Variants in PCDHGA2 observed in about 807,000 individuals in gnomAD.
PCDHGA2 encodes the protein protocadherin gamma-A2.
PCDHGA2 carries 40 observed loss-of-function variants against 59.2 expected under a neutral mutation model. The observed-to-expected ratio is 0.68, with a 90% CI of 0.52 to 0.88. PCDHGA2 has a LOEUF of 0.88. Among genes scored for constraint, PCDHGA2 ranks in the 40% least tolerant of loss-of-function variants. The pLI is 0.00. For missense variants in PCDHGA2, 1,226 were observed against 1,204.0 expected (o/e 1.02, Z -0.27); for synonymous variants, 560 against 526.0 (o/e 1.06, Z -0.89).
chr5:141,411,285 A>C (rs2095477948), intron 1 of PCDHGA2: 1 of 152,218 alleles, frequency 6.6e-6, no homozygotes, highest in South Asian at 2.1e-4. Flanking sequence ...AAAAATATTC[A>C]GAAGACAGGC....
intron 1 of PCDHGA2, chr5:141,366,543 C>A: frequency 6.2e-7 from 1 of 1,614,244 alleles, no homozygotes; most frequent in Non-Finnish European, 8.5e-7. Context: ...GTGCCCGCCT[C>A]GCACTTTGTG....
rs1382613654 is a variant in PCDHGA2, at chr5:141,340,338, C to A, written c.1367C>A (p.Ser456Tyr). The A allele has an allele frequency of 6.2e-7, 1 of 1,614,076 alleles. No individual in the cohort carries two copies. Among genetic ancestry groups the A allele is most frequent in the Non-Finnish European group, 8.5e-7 (1 of 1,180,048 alleles). The change falls in exon 1 of 4, where the codon TCC (serine) becomes TAC (tyrosine). Residue 456 changes from serine (S) to tyrosine (Y), a missense_variant. By Grantham distance (144) the Ser-to-Tyr change is moderately radical. Coordinates refer to ENST00000394576, the MANE Select transcript of PCDHGA2 (RefSeq NM_018915.4). ...AACGCACCCGCCTTCTCCCGCACATCCTACTCCACCTACATTCCCGAAAAC... is the reference window on the plus strand; with the variant it reads ...AACGCACCCGCCTTCTCCCGCACATACTACTCCACCTACATTCCCGAAAAC... Reference protein sequence around the residue: ...NDNAPAFSRTSYSTYIPENNP... With the variant: ...NDNAPAFSRTYYSTYIPENNP...
intron 1 of PCDHGA2, chr5:141,389,708 G>A: frequency 6.2e-7 from 1 of 1,612,610 alleles, no homozygotes; most frequent in South Asian, 1.1e-5. Context: ...ACGTGCTGCA[G>A]GCTAGCGAGC....
chr5:141,418,677 T>A (rs1717013168), intron 1 of PCDHGA2: 1 of 1,613,930 alleles, frequency 6.2e-7, no homozygotes, highest in African/African-American at 1.3e-5. Flanking sequence ...GACGAGGGCA[T>A]CAACTCAGAG....
chr5:141,418,681 C>T (rs778899235), intron 1 of PCDHGA2: 2 of 1,614,052 alleles, frequency 1.2e-6, no homozygotes, highest in Non-Finnish European at 1.7e-6. Flanking sequence ...AGGGCATCAA[C>T]TCAGAGATCA....
chr5:141,418,694 TATTCC>T, intron 1 of PCDHGA2: 2 of 1,614,044 alleles, frequency 1.2e-6, no homozygotes, highest in Non-Finnish European at 1.7e-6. Flanking sequence ...AGAGATCACT[TATTCC>T]TTCTTTGGTG....
At chr5:141,361,627 C>T (rs1389094962) in intron 1 of PCDHGA2, 12 of 1,613,918 alleles carry the variant, frequency 7.4e-6, no homozygotes, top group Admixed American at 1.7e-5. Context: ...CGACCTGAAG[C>T]CGCGGGAGAT....
At chr5:141,374,611 T>G in intron 1 of PCDHGA2, 1 of 1,613,552 alleles carries the variant, frequency 6.2e-7, no homozygotes, top group East Asian at 2.2e-5. Context: ...GTGGTAATAG[T>G]CACTTCTCAG....
At chr5:141,383,430 C>T in intron 1 of PCDHGA2, 1 of 1,614,016 alleles carries the variant, frequency 6.2e-7, no homozygotes, top group Non-Finnish European at 8.5e-7. Context: ...CCAATCGCCA[C>T]TTCTCCCTGG....
Position 141,486,443 on chromosome 5 carries a change from A to G in PCDHGA2, c.2425-8364A>G, listed in dbSNP as rs747419698. Reference sequence around the variant, plus strand: ...AGAGGCCAAATCTAGCTATGACATCATGGTCACTGCTTCTGATGCTGGGAA... The same window carrying G: ...AGAGGCCAAATCTAGCTATGACATCGTGGTCACTGCTTCTGATGCTGGGAA... On this transcript the variant is annotated intron_variant, in intron 1 of 3. Transcript: ENST00000394576. The surrounding 1 kb of genome is among the most constrained non-coding windows in gnomAD (Gnocchi z 5.0). The G allele has an allele frequency of 1.9e-6, 3 of 1,614,060 alleles. No individual in the cohort carries two copies. Among genetic ancestry groups the G allele is most frequent in the South Asian group, 2.2e-5 (2 of 91,080 alleles).
intron 1 of PCDHGA2, among the ~76,000 whole-genome samples, chr5:141,456,854 T>C (rs924765803): frequency 7.2e-5 from 11 of 151,950 alleles, no homozygotes; most frequent in Non-Finnish European, 1.3e-4. Context: ...TCCCAGCTAA[T>C]TGGGAGGCTG....
At chr5:141,422,664 C>T (rs2096662670) in intron 1 of PCDHGA2, 4 of 1,608,458 alleles carry the variant, frequency 2.5e-6, no homozygotes, top group Non-Finnish European at 3.4e-6. Flanking sequence ...CCGCCCTCGA[C>T]CCGGACAGCA....
At chr5:141,406,044 G>A (rs1473314165) in intron 1 of PCDHGA2, among the ~76,000 whole-genome samples, 1 of 151,228 alleles carries the variant, frequency 6.6e-6, no homozygotes, top group Non-Finnish European at 1.5e-5. Flanking sequence ...ATTGGTTGCA[G>A]TGGACTCATA....
chr5:141,490,338 C>A lies in PCDHGA2; in HGVS notation c.2425-4469C>A, dbSNP rs1408559629. Reference sequence around the variant, plus strand: ...CTGTCCTAGAGAGCACACCAGTGGGCACAGTAGTGGGGTTGTTTAATGTGC... The same window carrying A: ...CTGTCCTAGAGAGCACACCAGTGGGAACAGTAGTGGGGTTGTTTAATGTGC... On this transcript the variant is annotated intron_variant, in intron 1 of 3. Coordinates refer to ENST00000394576, the MANE Select transcript of PCDHGA2 (RefSeq NM_018915.4). This position sits in a 1 kb window ranked among gnomAD's most constrained non-coding sequence, Gnocchi z 5.4. 6.2e-7 allele frequency: 1 copy of A among 1,614,184 alleles called. No homozygotes were observed. The highest frequency in any genetic ancestry group is 1.7e-5 in the Admixed American group (1 of 60,032).
In PCDHGA2 at chr5:141,432,508, G is replaced by A. The variant is rs1306067848; in HGVS notation, c.2425-62299G>A. ...TGGAGCTGGCTCCCCGCTCCGCAGA[G>A]CCCGGCTACCTGGTGACCAAGGTGG... On this transcript the variant is annotated intron_variant, in intron 1 of 3. Coordinates refer to ENST00000394576, the MANE Select transcript of PCDHGA2 (RefSeq NM_018915.4). This position sits in a 1 kb window ranked among gnomAD's most constrained non-coding sequence, Gnocchi z 6.0. The A allele has an allele frequency of 1.9e-6, 3 of 1,614,136 alleles. No individual in the cohort carries two copies. Among genetic ancestry groups the A allele is most frequent in the Non-Finnish European group, 2.5e-6 (3 of 1,180,034 alleles).
chr5:141,487,811 A>T lies in PCDHGA2; in HGVS notation c.2425-6996A>T, dbSNP rs1389081995. 2.1e-6 allele frequency: 3 copies of T among 1,414,662 alleles called. No homozygotes were observed. In the African/African-American group the frequency reaches 4.3e-5, roughly 20 times the overall value. 87.6% of individuals were successfully genotyped at this position (1,414,662 alleles called of 1,614,324 possible). A position where few individuals can be genotyped will look rare whatever the true frequency, so the allele number is the denominator to read the frequency against. ...TTAACCAGAGTTGTCACAGTTTAGCATTGGGGGCGGGTCATGCCTATATCT... is the reference window on the plus strand; with the variant it reads ...TTAACCAGAGTTGTCACAGTTTAGCTTTGGGGGCGGGTCATGCCTATATCT... On this transcript the variant is annotated intron_variant, in intron 1 of 3. Transcript: ENST00000394576. The surrounding 1 kb of genome is among the most constrained non-coding windows in gnomAD (Gnocchi z 5.0).
chr5:141,360,028 A>G (rs941098912), intron 1 of PCDHGA2: 3 of 1,360,158 alleles, frequency 2.2e-6, no homozygotes, highest in Non-Finnish European at 2.9e-6. Context: ...AGGCCAGTAT[A>G]GATTCGGAAA....
intron 1 of PCDHGA2, chr5:141,421,959 A>G (rs2096614103): frequency 1.9e-6 from 3 of 1,612,798 alleles, no homozygotes; most frequent in East Asian, 2.2e-5. Flanking sequence ...CAATGTTTAC[A>G]CAGTCCGTAT....
Position 141,339,552 on chromosome 5 carries a change from TGG to T in PCDHGA2, c.582_583del (p.Val195AlafsTer21). 1.2e-6 allele frequency: 2 copies of T among 1,614,164 alleles called. No individual in the cohort carries two copies. The highest frequency in any genetic ancestry group is 3.3e-5 in the Admixed American group (2 of 60,018). On this transcript the variant is annotated frameshift_variant, in exon 1 of 4. Transcript: ENST00000394576. LOFTEE classifies it high-confidence loss of function. ...GCTGATGGGAACAAGTACCCAGAAC[TGG>T]TGCTGGAGCGCTCTCTGGACCGCGA...
Sources: allele counts gnomAD v4.1 joint callset (sites outside exome capture counted in the v4.1 genomes callset), GRCh38; gene constraint gnomAD v4.1.1; non-coding constraint Gnocchi (gnomAD v3.1); transcripts MANE v1.5; gene names NCBI Gene and HGNC (gene_info 2026-07-23, HGNC 2026-07-21).